STT3B: variants seen among roughly 807,000 people sequenced by gnomAD.
STT3B encodes the protein STT3 oligosaccharyltransferase complex catalytic subunit B.
In STT3B, 29 loss-of-function variants were observed where a neutral mutation model predicts 96.8. That is an observed-to-expected ratio of 0.30 (90% confidence interval 0.22 to 0.41). STT3B has a LOEUF of 0.41. Among genes scored for constraint, STT3B ranks in the 10% least tolerant of loss-of-function variants. The pLI, the probability that STT3B is intolerant of heterozygous loss-of-function variation, is 1.00. For synonymous variants in STT3B, 367 were observed against 360.0 expected (o/e 1.02, Z -0.22); for missense variants, 640 against 1,022.3 (o/e 0.63, Z 5.10).
At chr3:31,589,918 C>G (rs1689686709) in intron 3 of STT3B, among the ~76,000 whole-genome samples, 1 of 151,706 alleles carries the variant, frequency 6.6e-6, no homozygotes, top group African/African-American at 2.4e-5. Context: ...TGAAATAATT[C>G]TCGTAGGATT....
At position 31,623,766 on chromosome 3, in the gene STT3B, G is replaced by A. The variant is rs1699477222; in HGVS notation, c.1632G>A (p.Leu544=). ...AAAGCATTGTCACCATGTTGATGCT[G>A]ATGCTATTGATGATGTTTGCTGTCC... The part of the protein sequence containing the change: ...NIKSIVTMLM[L]MLLMMFAVHC... The change falls in exon 11 of 16, where the codon CTG becomes CTA. Residue 544 remains leucine, a synonymous_variant. Transcript: ENST00000295770. 1.9e-6 allele frequency: 3 copies of A among 1,613,978 alleles called. No individual in the cohort carries two copies. Among genetic ancestry groups the A allele is most frequent in the Non-Finnish European group, 2.5e-6 (3 of 1,179,862 alleles).
intron 5 of STT3B, among the ~76,000 whole-genome samples, chr3:31,604,276 A>G (rs1299366397): frequency 1.3e-5 from 2 of 152,178 alleles, no homozygotes; most frequent in African/African-American, 2.4e-5. Flanking sequence ...TGGGCATTAT[A>G]TATTTTGTGA....
intron 10 of STT3B, 67 bp from the exon 11 acceptor site, chr3:31,623,607 C>T: frequency 4.0e-6 from 5 of 1,237,510 alleles, no homozygotes; most frequent in South Asian, 1.6e-5. Flanking sequence ...CAACTTTTTC[C>T]ATTGAGTATC....
At chr3:31,630,277 T>C (rs1341027229) in intron 14 of STT3B, among the ~76,000 whole-genome samples, 1 of 152,234 alleles carries the variant, frequency 6.6e-6, no homozygotes, top group Non-Finnish European at 1.5e-5. Flanking sequence ...CTAAGACTCT[T>C]ATCAGCCCAG....
chr3:31,598,239 G>A (rs1035676433), intron 4 of STT3B, among the ~76,000 whole-genome samples: 3 of 152,118 alleles, frequency 2.0e-5, no homozygotes, highest in Admixed American at 2.0e-4. Context: ...ATCAAGCATG[G>A]AACCATGTTT....
chr3:31,635,985 C>G lies in STT3B; in HGVS notation c.2402C>G (p.Thr801Ser), dbSNP rs770622300. 9.4e-6 allele frequency: 15 copies of G among 1,600,770 alleles called. No homozygotes were observed. Among genetic ancestry groups the G allele is most frequent in the Non-Finnish European group, 1.3e-5 (15 of 1,174,386 alleles). ...ACTATGTGTTTTGTTTTTTTATAGA[C>G]TACCAAAAGGAAGCGTGGCTACATT... ...FPKQKYLSKK[T>S]TKRKRGYIKN... The change falls in exon 16 of 16, where the codon ACT becomes AGT. Residue 801 changes from threonine to serine, a missense_variant and splice_region_variant. Transcript: ENST00000295770.
chr3:31,563,368 C>G lies in STT3B; in HGVS notation c.315-13028C>G, dbSNP rs1024103127. On this transcript the variant is annotated intron_variant, in intron 1 of 15. Transcript: ENST00000295770. ...ATATTTATTGTGTGATAACTATGTG[C>G]CAGACACAGTACTAAGCATTTGGGA... Among the ~76,000 whole-genome samples, 4 of 152,236 alleles carry G rather than the reference C, an allele frequency of 2.6e-5. No homozygotes were observed. In the East Asian group the frequency reaches 7.7e-4, roughly 29 times the overall value.
intron 3 of STT3B, among the ~76,000 whole-genome samples, chr3:31,585,208 C>T (rs1698508397): frequency 6.6e-6 from 1 of 152,036 alleles, no homozygotes; most frequent in Non-Finnish European, 1.5e-5. Context: ...TTGTGTTCTA[C>T]AGAGATTAAA....
intron 14 of STT3B, among the ~76,000 whole-genome samples, chr3:31,630,384 A>G (rs1286691301): frequency 2.0e-5 from 3 of 152,024 alleles, no homozygotes; most frequent in Non-Finnish European, 2.9e-5. Context: ...GTACCCTTCT[A>G]CTTTCCCATC....
At chr3:31,633,610 A>T (rs1235324760) in intron 15 of STT3B, among the ~76,000 whole-genome samples, 1 of 141,410 alleles carries the variant, frequency 7.1e-6, no homozygotes, top group Non-Finnish European at 1.5e-5. Context: ...TTATCTTAAG[A>T]TAATTATTTT....
intron 3 of STT3B, among the ~76,000 whole-genome samples, chr3:31,585,557 T>C (rs1698518573): frequency 1.4e-5 from 2 of 143,678 alleles, no homozygotes; most frequent in African/African-American, 3.0e-5. Context: ...CTCTTACAGG[T>C]TTTGTTTTGT....
At chr3:31,634,882 A>T (rs943337823) in intron 15 of STT3B, among the ~76,000 whole-genome samples, 1 of 152,210 alleles carries the variant, frequency 6.6e-6, no homozygotes, top group Non-Finnish European at 1.5e-5. Flanking sequence ...GTACCCTCTG[A>T]AGTTTCTTAC....
intron 1 of STT3B, among the ~76,000 whole-genome samples, chr3:31,558,141 T>G (rs2125443292): frequency 6.6e-6 from 1 of 152,326 alleles, no homozygotes; most frequent in East Asian, 1.9e-4. Context: ...ACAGTTTAGC[T>G]TTCTCTTTTT....
intron 2 of STT3B, among the ~76,000 whole-genome samples, chr3:31,579,483 A>T (rs1304278625): frequency 2.1e-5 from 3 of 142,828 alleles, no homozygotes; most frequent in African/African-American, 8.5e-5. Flanking sequence ...TTGATAAAAA[A>T]AAAAAAAAAA....
At chr3:31,626,631 T>C (rs893856242) in intron 13 of STT3B, among the ~76,000 whole-genome samples, 4 of 152,184 alleles carry the variant, frequency 2.6e-5, no homozygotes, top group Admixed American at 6.5e-5. Context: ...TTGGGCAAGT[T>C]ATTTTAGCAA....
At chr3:31,537,612 C>T (rs1697134723) in intron 1 of STT3B, among the ~76,000 whole-genome samples, 1 of 152,092 alleles carries the variant, frequency 6.6e-6, no homozygotes. Flanking sequence ...TGGGACTTTT[C>T]CTTCCCCCTT....
chr3:31,604,719 C>T (rs993132645), intron 5 of STT3B, among the ~76,000 whole-genome samples: 3 of 152,128 alleles, frequency 2.0e-5, no homozygotes, highest in Admixed American at 6.5e-5. Context: ...TGGACTTTAA[C>T]CATGTTCTTT....
At chr3:31,617,716 G>A (rs1263548012) in intron 7 of STT3B, among the ~76,000 whole-genome samples, 1 of 151,854 alleles carries the variant, frequency 6.6e-6, no homozygotes, top group Non-Finnish European at 1.5e-5. Flanking sequence ...TCTCAAATGT[G>A]TTTCTCTGGA....
rs1699275747 is a variant in STT3B, at chr3:31,615,038, T to C, written c.878-67T>C. ...CTTTGCTAAAAACAGGATTTACATA[T>C]ACATTTATGTTTTAGGTACTTAATG... On this transcript the variant is annotated intron_variant, in intron 5 of 15. Transcript: ENST00000295770. The C allele has an allele frequency of 3.3e-6, 3 of 915,378 alleles. No homozygotes were observed. In the South Asian group the frequency reaches 5.0e-5, roughly 15 times the overall value. 56.7% of individuals were successfully genotyped at this position (915,378 alleles called of 1,614,324 possible).
Sources: allele counts gnomAD v4.1 joint callset (sites outside exome capture counted in the v4.1 genomes callset), GRCh38; gene constraint gnomAD v4.1.1; transcripts MANE v1.5; gene names NCBI Gene and HGNC (gene_info 2026-07-23, HGNC 2026-07-21).